Variants in TLK1 observed in about 807,000 individuals in gnomAD.
The protein encoded by TLK1 is tousled like kinase 1.
Under a neutral mutation model 105.3 loss-of-function variants are expected in TLK1, and 24 were observed. That is an observed-to-expected ratio of 0.23 (90% CI 0.17 to 0.32). The LOEUF (loss-of-function observed/expected upper bound fraction) is 0.32. Among genes scored for constraint, TLK1 ranks in the 10% least tolerant of loss-of-function variants. The pLI is 1.00. For missense variants in TLK1, 558 were observed against 910.5 expected, an observed-to-expected ratio of 0.61 and a Z score of 4.98; for synonymous variants, 321 against 310.4, an observed-to-expected ratio of 1.03 and a Z score of -0.36.
intron 12 of TLK1, among the ~76,000 whole-genome samples, chr2:171,022,100 C>CAGACACACACACAG (rs1553605642): frequency 6.6e-6 from 1 of 150,442 alleles, no homozygotes; most frequent in Non-Finnish European, 1.5e-5. Flanking sequence ...CACACACACA[C>CAGACACACACACAG]ACACACACAC....
At chr2:171,157,205 A>G (rs1692272183) in intron 1 of TLK1, among the ~76,000 whole-genome samples, 1 of 152,258 alleles carries the variant, frequency 6.6e-6, no homozygotes, top group Non-Finnish European at 1.5e-5. Context: ...CAAGTGTTCT[A>G]TATAATCAAT....
intron 1 of TLK1, among the ~76,000 whole-genome samples, chr2:171,192,723 A>T (rs1693179429): frequency 6.6e-6 from 1 of 152,164 alleles, no homozygotes; most frequent in South Asian, 2.1e-4. Flanking sequence ...TATTGGTAAC[A>T]AAAGAAATCA....
chr2:171,046,389 A>T (rs750658392), intron 10 of TLK1, 27 bp from the exon 11 acceptor site: 1 of 1,548,954 alleles, frequency 6.5e-7, no homozygotes, highest in Non-Finnish European at 8.7e-7. Flanking sequence ...AAATAAAACC[A>T]TATTAACCTT....
At chr2:171,116,663 G>A (rs1054634464) in intron 2 of TLK1, among the ~76,000 whole-genome samples, 11 of 149,904 alleles carry the variant, frequency 7.3e-5, no homozygotes, top group Non-Finnish European at 1.0e-4. Context: ...TCATGCCACT[G>A]CACTCCAGCC....
chr2:171,093,918 G>A (rs556098383), intron 2 of TLK1, among the ~76,000 whole-genome samples: 2 of 148,182 alleles, frequency 1.3e-5, no homozygotes, highest in South Asian at 4.1e-4. Context: ...CCAGGAGTAA[G>A]AGAAGGGAAC....
At position 171,160,142 on chromosome 2, in the gene TLK1, C is replaced by T; in HGVS notation, c.139+148G>A. 2 of 891,314 alleles carry T rather than the reference C, an allele frequency of 2.2e-6. No individual in the cohort carries two copies. The highest frequency in any genetic ancestry group is 1.5e-6 in the Non-Finnish European group (1 of 677,104). The allele number at this position is 891,314 out of a possible 1,614,324, so 55.2% of individuals were successfully genotyped here. A position where few individuals can be genotyped will look rare whatever the true frequency, so the allele number is the denominator to read the frequency against. On this transcript the variant is annotated intron_variant, in intron 1 of 20. Transcript: ENST00000431350. The surrounding 1 kb of genome is among the most constrained non-coding windows in gnomAD (Gnocchi z 4.4). ...GCACTACCTCCCCAGAGCCGGGGAGCCGGGCGGCCTCGCGTCCACCTCGCC... is the reference window on the plus strand; with the variant it reads ...GCACTACCTCCCCAGAGCCGGGGAGTCGGGCGGCCTCGCGTCCACCTCGCC...
intron 11 of TLK1, among the ~76,000 whole-genome samples, chr2:171,040,700 C>A (rs1686630542): frequency 6.6e-6 from 1 of 151,426 alleles, no homozygotes; most frequent in Non-Finnish European, 1.5e-5. Flanking sequence ...CCTCAGCCTC[C>A]TGAGAAGCTG....
intron 1 of TLK1, among the ~76,000 whole-genome samples, chr2:171,195,932 C>T (rs889285957): frequency 2.0e-5 from 3 of 151,514 alleles, no homozygotes; most frequent in East Asian, 2.0e-4. Flanking sequence ...GGCTGGGACT[C>T]ACCTGGGAGG....
chr2:171,108,056 T>G (rs1399756703), intron 2 of TLK1, among the ~76,000 whole-genome samples: 2 of 128,452 alleles, frequency 1.6e-5, no homozygotes, highest in African/African-American at 6.6e-5. Context: ...GACCCCTCTC[T>G]CAAAAAAAAA....
At chr2:171,214,036 A>T (rs558942433) in intron 1 of TLK1, among the ~76,000 whole-genome samples, 1 of 150,660 alleles carries the variant, frequency 6.6e-6, no homozygotes, top group Non-Finnish European at 1.5e-5. Flanking sequence ...GTTTTAGAAA[A>T]TTTTTAATGA....
At chr2:171,104,765 G>A (rs923171875) in intron 2 of TLK1, among the ~76,000 whole-genome samples, 8 of 152,156 alleles carry the variant, frequency 5.3e-5, no homozygotes, top group African/African-American at 1.9e-4. Flanking sequence ...GCCAGGGATT[G>A]CTTTCTTGAT....
In TLK1 at chr2:170,990,893, G is replaced by C. The variant is rs1032552364; in HGVS notation, c.*2887C>G. ...ACAACACACAATATACTCTTTAAAT[G>C]TTTCACTGAAGCTCTTCACCATTTT... is the stretch of plus-strand genomic sequence containing the variant. On this transcript the variant is annotated 3_prime_UTR_variant, in exon 21 of 21. Coordinates refer to ENST00000431350, the MANE Select transcript of TLK1 (RefSeq NM_012290.5). The C allele has an allele frequency of 1.3e-5, 2 of 151,790 alleles. No individual in the cohort carries two copies. Among genetic ancestry groups the C allele is most frequent in the African/African-American group, 4.8e-5 (2 of 41,302 alleles). 9.4% of individuals were successfully genotyped at this position (151,790 alleles called of 1,614,324 possible).
chr2:171,144,151 A>C (rs1181805885), intron 1 of TLK1, among the ~76,000 whole-genome samples: 3 of 152,222 alleles, frequency 2.0e-5, no homozygotes, highest in African/African-American at 7.2e-5. Flanking sequence ...AATCACTTGC[A>C]CTTTATGACA....
chr2:171,194,100 G>A (rs771777373), intron 1 of TLK1, among the ~76,000 whole-genome samples: 8 of 152,106 alleles, frequency 5.3e-5, no homozygotes, highest in Non-Finnish European at 1.0e-4. Flanking sequence ...AAAAGCAAAT[G>A]GCTTACACAC....
At chr2:171,042,234 G>A (rs1184590509) in intron 11 of TLK1, among the ~76,000 whole-genome samples, 1 of 152,016 alleles carries the variant, frequency 6.6e-6, no homozygotes, top group Non-Finnish European at 1.5e-5. Context: ...AATGAAATTC[G>A]ATCAAATGTG....
intron 14 of TLK1, among the ~76,000 whole-genome samples, chr2:171,010,245 A>G (rs1364792765): frequency 2.0e-5 from 3 of 152,168 alleles, no homozygotes; most frequent in Non-Finnish European, 4.4e-5. Flanking sequence ...ACAAAGGGAA[A>G]GGAAGAGCAT....
intron 4 of TLK1, among the ~76,000 whole-genome samples, chr2:171,060,688 A>G (rs1434266742): frequency 6.6e-6 from 1 of 152,238 alleles, no homozygotes; most frequent in African/African-American, 2.4e-5. Context: ...AGAAAAACAG[A>G]TAATACTTTA....
intron 11 of TLK1, among the ~76,000 whole-genome samples, chr2:171,042,364 C>G (rs1304244415): frequency 6.6e-6 from 1 of 152,112 alleles, no homozygotes; most frequent in Non-Finnish European, 1.5e-5. Flanking sequence ...CCTGCCTCAG[C>G]CTCCTGAGTA....
intron 14 of TLK1, among the ~76,000 whole-genome samples, chr2:171,009,545 A>C (rs1684809894): frequency 6.6e-6 from 1 of 151,990 alleles, no homozygotes; most frequent in Non-Finnish European, 1.5e-5. Flanking sequence ...GAGTTCAGGC[A>C]ATCTGCCTGC....
Sources: allele counts gnomAD v4.1 joint callset (sites outside exome capture counted in the v4.1 genomes callset), GRCh38; gene constraint gnomAD v4.1.1; non-coding constraint Gnocchi (gnomAD v3.1); transcripts MANE v1.5; gene names NCBI Gene and HGNC (gene_info 2026-07-23, HGNC 2026-07-21).